Variants in IL1RAPL1 observed in about 807,000 individuals in gnomAD.
IL1RAPL1 encodes the protein interleukin-1 receptor accessory protein-like 1.
A neutral mutation model predicts 48.4 loss-of-function variants in IL1RAPL1; 3 were observed. That is an observed-to-expected ratio of 0.06 (90% CI 0.03 to 0.16). The LOEUF is 0.16. IL1RAPL1 is among the 10% of genes least tolerant of loss of function. The pLI is 1.00. For missense variants in IL1RAPL1, 349 were observed against 530.6 expected, an observed-to-expected ratio of 0.66 and a Z score of 3.36; for synonymous variants, 185 against 187.7, an observed-to-expected ratio of 0.99 and a Z score of 0.12.
At chrX:28,832,978 A>T (rs1283672585) in intron 2 of IL1RAPL1, among the ~76,000 whole-genome samples, 3 of 109,419 alleles carry the variant, frequency 2.7e-5, no homozygotes, top group Non-Finnish European at 5.7e-5. Flanking sequence ...CTACCCCCTT[A>T]GTAGGCTCTA....
At chrX:28,828,596 C>A (rs1417618277) in intron 2 of IL1RAPL1, among the ~76,000 whole-genome samples, 1 of 111,966 alleles carries the variant, frequency 8.9e-6, no homozygotes, top group East Asian at 2.8e-4. Flanking sequence ...GTGTTGGGAA[C>A]ATTCCAAATC....
chrX:28,776,417 G>A (rs1473306238), intron 1 of IL1RAPL1, among the ~76,000 whole-genome samples: 1 of 111,901 alleles, frequency 8.9e-6, no homozygotes, highest in Non-Finnish European at 1.9e-5. Context: ...CTGCAATAAA[G>A]CAGGAACCTC....
At chrX:29,378,657 G>C (rs757356947) in intron 3 of IL1RAPL1, among the ~76,000 whole-genome samples, 1 of 112,330 alleles carries the variant, frequency 8.9e-6, no homozygotes, top group Non-Finnish European at 1.9e-5. Context: ...TTTTGGTGCT[G>C]TAGTTTGGGC....
At chrX:29,190,519 C>T (rs971604875) in intron 2 of IL1RAPL1, among the ~76,000 whole-genome samples, 3 of 111,862 alleles carry the variant, frequency 2.7e-5, no homozygotes, top group Admixed American at 9.5e-5. Flanking sequence ...AAGCACTTAG[C>T]ACAGTTGATG....
At chrX:29,839,257 T>C (rs1034922266) in intron 6 of IL1RAPL1, among the ~76,000 whole-genome samples, 5 of 112,215 alleles carry the variant, frequency 4.5e-5, no homozygotes, top group Non-Finnish European at 9.4e-5. Context: ...GTTGTGGAGA[T>C]TAAAATTAAC....
chrX:28,969,491 C>T (rs1225127671), intron 2 of IL1RAPL1, among the ~76,000 whole-genome samples: 1 of 107,898 alleles, frequency 9.3e-6, no homozygotes, highest in Non-Finnish European at 1.9e-5. Context: ...TCAGTGTAGG[C>T]ATTTTTGCTC....
At chrX:29,741,567 C>G (rs945008249) in intron 6 of IL1RAPL1, among the ~76,000 whole-genome samples, 9 of 110,729 alleles carry the variant, frequency 8.1e-5, no homozygotes, top group African/African-American at 3.0e-4. Context: ...TAACTAGGAG[C>G]GACTCTGAAA....
intron 2 of IL1RAPL1, among the ~76,000 whole-genome samples, chrX:28,948,471 A>T (rs913373462): frequency 5.4e-5 from 6 of 110,620 alleles, no homozygotes; most frequent in African/African-American, 2.0e-4. Flanking sequence ...CCCCATGCAG[A>T]GAGAAGGTAG....
intron 1 of IL1RAPL1, among the ~76,000 whole-genome samples, chrX:28,771,987 T>C (rs187680459): frequency 9.2e-4 from 99 of 107,288 alleles, no homozygotes; most frequent in African/African-American, 3.1e-3. Context: ...AGAGACAATC[T>C]AGTCTAGCTT....
chrX:29,936,152 G>A (rs980746499), intron 8 of IL1RAPL1, among the ~76,000 whole-genome samples: 9 of 109,611 alleles, frequency 8.2e-5, no homozygotes, highest in African/African-American at 3.0e-4. Flanking sequence ...TTGTAGAACT[G>A]AGTTGAGTAT....
intron 2 of IL1RAPL1, among the ~76,000 whole-genome samples, chrX:28,971,876 T>TTGTGTGTGTGTGTGTG (rs3066657): frequency 8.3e-5 from 7 of 84,481 alleles, no homozygotes; most frequent in East Asian, 8.2e-4. Flanking sequence ...ACTCTGAAAA[T>TTGTGTGTGTGTGTGTG]TGTGTGTGTG....
chrX:28,750,989 C>T (rs185989738), intron 1 of IL1RAPL1, among the ~76,000 whole-genome samples: 104 of 112,050 alleles, frequency 9.3e-4, no homozygotes, highest in African/African-American at 3.3e-3. Context: ...GATTACCTAG[C>T]GGATTTCTCA....
intron 2 of IL1RAPL1, among the ~76,000 whole-genome samples, chrX:28,973,635 A>G (rs1275542341): frequency 9.0e-6 from 1 of 111,682 alleles, no homozygotes; most frequent in Non-Finnish European, 1.9e-5. Context: ...TCTATTCTAC[A>G]CTTATGATAA....
chrX:29,633,427 T>C (rs1036604568), intron 5 of IL1RAPL1, among the ~76,000 whole-genome samples: 5 of 109,489 alleles, frequency 4.6e-5, no homozygotes, highest in East Asian at 2.8e-4. Flanking sequence ...TTGGTAGTTA[T>C]GTGTGTATGT....
intron 5 of IL1RAPL1, among the ~76,000 whole-genome samples, chrX:29,518,297 G>A (rs1272363120): frequency 9.0e-6 from 1 of 110,759 alleles, no homozygotes; most frequent in Non-Finnish European, 1.9e-5. Context: ...GAGTCACCTG[G>A]GGATCTCGTT....
At chrX:28,845,121 T>A (rs1023973863) in intron 2 of IL1RAPL1, among the ~76,000 whole-genome samples, 1 of 111,738 alleles carries the variant, frequency 8.9e-6, no homozygotes, top group Non-Finnish European at 1.9e-5. Flanking sequence ...AGATACGATT[T>A]GTCATGTTAT....
intron 2 of IL1RAPL1, among the ~76,000 whole-genome samples, chrX:29,170,014 GTA>G (rs1929877764): frequency 9.0e-6 from 1 of 111,063 alleles, no homozygotes; most frequent in Admixed American, 9.7e-5. Flanking sequence ...TTACAAAAAA[GTA>G]AAAATTCTAT....
chrX:29,765,552 T>C (rs905872198), intron 6 of IL1RAPL1, among the ~76,000 whole-genome samples: 1 of 111,972 alleles, frequency 8.9e-6, no homozygotes, highest in Admixed American at 9.5e-5. Context: ...TGAAAATTAC[T>C]TGGGATCAGC....
chrX:29,310,135 G>GAAAAAAAAAAAAAAAAAAA (rs763228577), intron 3 of IL1RAPL1, among the ~76,000 whole-genome samples: 1 of 41,132 alleles, frequency 2.4e-5, no homozygotes, highest in Non-Finnish European at 4.9e-5. Context: ...AAAAAGAAAG[G>GAAAAAAAAAAAAAAAAAAA]AAAAAAAAAA....
Sources: gnomAD v4.1 joint callset for allele counts (sites outside exome capture counted in the v4.1 genomes callset) on GRCh38, gnomAD v4.1.1 for gene constraint, MANE v1.5 for transcripts, NCBI Gene and HGNC (gene_info 2026-07-23, HGNC 2026-07-21) for gene names.